BRSK1: variants seen among roughly 807,000 people sequenced by gnomAD.
BRSK1 encodes the protein BR serine/threonine kinase 1.
Under a neutral mutation model 86.2 loss-of-function variants are expected in BRSK1, and 17 were observed. That is an observed-to-expected ratio of 0.20 (90% CI 0.14 to 0.30). The LOEUF (loss-of-function observed/expected upper bound fraction) is 0.30. Ranked by LOEUF, BRSK1 falls within the 10% of genes least tolerant of loss-of-function variation. The pLI, the probability that BRSK1 is intolerant of heterozygous loss-of-function variation, is 1.00. For missense variants in BRSK1, 719 were observed against 1,071.9 expected (o/e 0.67, Z 4.60); for synonymous variants, 464 against 440.1 (o/e 1.05, Z -0.68).
chr19:55,301,958 C>G, intron 8 of BRSK1, 179 bp from the exon 9 acceptor site: 1 of 865,184 alleles, frequency 1.2e-6, no homozygotes, highest in Non-Finnish European at 1.9e-6. Flanking sequence ...ACGGAGACCG[C>G]GCGTGCGCGG....
rs1012246435 is a variant in BRSK1, at chr19:55,310,318, G to C, written c.2179+1590G>C. Among the ~76,000 whole-genome samples, 1 of 152,058 alleles carries C rather than the reference G, an allele frequency of 6.6e-6. No homozygotes were observed. Among genetic ancestry groups the C allele is most frequent in the African/African-American group, 2.4e-5 (1 of 41,378 alleles). Reference sequence around the variant, plus strand: ...TTCCTAGGCGCTCTGGTTAAGGCCCGTTCCTCCATCTTCAAAGCCAGTGAC... The same window carrying C: ...TTCCTAGGCGCTCTGGTTAAGGCCCCTTCCTCCATCTTCAAAGCCAGTGAC... On this transcript the variant is annotated intron_variant, in intron 18 of 18. Transcript: ENST00000309383. The surrounding 1 kb of genome is among the most constrained non-coding windows in gnomAD (Gnocchi z 5.0).
At chr19:55,305,697 G>C in intron 16 of BRSK1, 111 bp downstream of exon 16, 1 of 1,507,116 alleles carries the variant, frequency 6.6e-7, no homozygotes, top group South Asian at 1.2e-5. Flanking sequence ...GGGCTCATGG[G>C]ATTTGTAGTT....
chr19:55,297,707 C>T (rs1206803049), intron 7 of BRSK1, among the ~76,000 whole-genome samples: 1 of 152,262 alleles, frequency 6.6e-6, no homozygotes, highest in Non-Finnish European at 1.5e-5. Flanking sequence ...TCCCTGCTCC[C>T]TCTCCCTGAG....
chr19:55,285,416 C>T (rs867549333), intron 1 of BRSK1, among the ~76,000 whole-genome samples: 3 of 152,046 alleles, frequency 2.0e-5, no homozygotes, highest in Middle Eastern at 3.2e-3. Flanking sequence ...AGAGTGGGGC[C>T]GGGCTGGGAC....
At chr19:55,288,931 T>G (rs1187086404) in intron 3 of BRSK1, among the ~76,000 whole-genome samples, 1 of 152,194 alleles carries the variant, frequency 6.6e-6, no homozygotes, top group Non-Finnish European at 1.5e-5. Flanking sequence ...AGTTGTCGTC[T>G]ATTGCCTCAC....
rs576076760 is a variant in BRSK1 at position 55,301,777 on chromosome 19, A to T, written c.825+119A>T. ...CTCGTCAGTCCCCAGGGTGACTGGG[A>T]TCGCCAGCTGAGCCGCAGCCCAAGG... is the stretch of plus-strand genomic sequence containing the variant. On this transcript the variant is annotated intron_variant, in intron 8 of 18. Coordinates refer to ENST00000309383, the MANE Select transcript of BRSK1 (RefSeq NM_032430.2). The T allele has an allele frequency of 3.3e-4, 414 of 1,258,104 alleles. 1 individual carries two copies. The African/African-American group carries it at 5.8e-3, about 18-fold the overall frequency. The allele number at this position is 1,258,104 out of a possible 1,614,324, so 77.9% of individuals were successfully genotyped here. A position where few individuals can be genotyped will look rare whatever the true frequency, so the allele number is the denominator to read the frequency against.
rs1028538771 is a variant in BRSK1 at position 55,303,671 on chromosome 19, C to A, written c.1131C>A (p.Pro377=). The stretch of plus-strand genomic sequence containing the variant: ...GTTGAAACTGTTGTCCCTCAGACCC[C>A]CCCCGGAAGCGTGTGGATTCTCCCA... ...QDLPPRNDVD[P]PRKRVDSPML... Residue 377 remains proline, a synonymous_variant, in exon 12 of 19, where the codon CCC becomes CCA. Coordinates refer to ENST00000309383, the MANE Select transcript of BRSK1 (RefSeq NM_032430.2). This position sits in a 1 kb window ranked among gnomAD's most constrained non-coding sequence, Gnocchi z 5.1. The A allele has an allele frequency of 2.8e-5, 44 of 1,599,066 alleles. No individual in the cohort carries two copies. Among genetic ancestry groups the A allele is most frequent in the Non-Finnish European group, 3.5e-5 (41 of 1,172,232 alleles).
Position 55,311,962 on chromosome 19 carries a change from T to C in BRSK1, c.2231T>C (p.Leu744Pro). ...TRPAGAPPRS[L>P]QPPPGRPDPE... ...CCTGCTGGTGCCCCACCCCGAAGCCTGCAGCCCCCACCCGGCCGCCCAGAC... is the reference window on the plus strand; with the variant it reads ...CCTGCTGGTGCCCCACCCCGAAGCCCGCAGCCCCCACCCGGCCGCCCAGAC... Residue 744 changes from leucine (L) to proline (P), a missense_variant, in exon 19 of 19, where the codon CTG (leucine) becomes CCG (proline). Leu to Pro is a moderately conservative substitution (Grantham distance 98). Transcript: ENST00000309383. 1 of 1,572,340 alleles carries C rather than the reference T, an allele frequency of 6.4e-7. No homozygotes were observed. Among genetic ancestry groups the C allele is most frequent in the Non-Finnish European group, 8.7e-7 (1 of 1,155,288 alleles).
chr19:55,286,969 C>T (rs370625883), intron 1 of BRSK1, 38 bp from the exon 2 acceptor site: 134 of 1,603,816 alleles, frequency 8.4e-5, no homozygotes, highest in Non-Finnish European at 1.1e-4. Context: ...CGAAGGGGAC[C>T]CGGCGGAACA....
At position 55,302,063 on chromosome 19, in the gene BRSK1, C is replaced by A; in HGVS notation, c.826-74C>A. On this transcript the variant is annotated intron_variant, in intron 8 of 18. Coordinates refer to ENST00000309383, the MANE Select transcript of BRSK1 (RefSeq NM_032430.2). This position sits in a 1 kb window ranked among gnomAD's most constrained non-coding sequence, Gnocchi z 6.3. The stretch of plus-strand genomic sequence containing the variant: ...AGATGATCAGGGACCCCAAAACCAC[C>A]CCAGTCTTTCATTGCGCGCCTACAT... The A allele has an allele frequency of 6.4e-7, 1 of 1,565,056 alleles. No homozygotes were observed. Among genetic ancestry groups the A allele is most frequent in the Non-Finnish European group, 8.8e-7 (1 of 1,135,506 alleles).
At chr19:55,290,462 A>G (rs1294246861) in intron 4 of BRSK1, among the ~76,000 whole-genome samples, 2 of 152,190 alleles carry the variant, frequency 1.3e-5, no homozygotes, top group Admixed American at 6.6e-5. Flanking sequence ...AAAATTTAAC[A>G]AAGAAAAAAA....
chr19:55,292,905 G>A (rs1237628676), intron 4 of BRSK1, among the ~76,000 whole-genome samples: 1 of 151,982 alleles, frequency 6.6e-6, no homozygotes, highest in African/African-American at 2.4e-5. Flanking sequence ...CTACTCAAGA[G>A]GCTAAGGCCA....
chr19:55,290,301 G>C (rs566271812), intron 4 of BRSK1, among the ~76,000 whole-genome samples: 1 of 151,882 alleles, frequency 6.6e-6, no homozygotes, highest in Non-Finnish European at 1.5e-5. Flanking sequence ...CGGCCTCTTT[G>C]CCCATCTTTA....
chr19:55,312,147 C>A lies in BRSK1; in HGVS notation c.*79C>A. 6.2e-6 allele frequency: 4 copies of A among 646,502 alleles called. No homozygotes were observed. The highest frequency in any genetic ancestry group is 1.0e-5 in the Non-Finnish European group (4 of 391,632). The allele number at this position is 646,502 out of a possible 1,614,324, so 40.0% of individuals were successfully genotyped here. ...CCAACTGTGAATCTGTAAATAAGGC[C>A]CAAGGAACATGTCGGGAGGGGGGTG... On this transcript the variant is annotated 3_prime_UTR_variant, in exon 19 of 19. Transcript: ENST00000309383.
chr19:55,284,141 C>G lies in BRSK1; in HGVS notation c.-302C>G. 8.6e-7 allele frequency: 1 copy of G among 1,162,916 alleles called. No homozygotes were observed. The highest frequency in any genetic ancestry group is 1.1e-6 in the Non-Finnish European group (1 of 926,448). 72.0% of individuals were successfully genotyped at this position (1,162,916 alleles called of 1,614,324 possible). On this transcript the variant is annotated 5_prime_UTR_variant, in exon 1 of 19. Coordinates refer to ENST00000309383, the MANE Select transcript of BRSK1 (RefSeq NM_032430.2). ...CCGCCGGCCCGCACCTCAGACCCCC[C>G]CGGCGGGGGGAGGCGCAGGAAGCGG... is the stretch of plus-strand genomic sequence containing the variant.
Position 55,287,192 on chromosome 19 carries a change from C to T in BRSK1, c.232-22C>T, listed in dbSNP as rs371764150. ...GCCGTGCTGACCTCTTTTCCCGTGT[C>T]CCCACCCCTCTTGACCCTCAGGTGG... is the stretch of plus-strand genomic sequence containing the variant. On this transcript the variant is annotated intron_variant, in intron 2 of 18. Transcript: ENST00000309383. This position sits in a 1 kb window ranked among gnomAD's most constrained non-coding sequence, Gnocchi z 5.3. The T allele has an allele frequency of 1.9e-6, 3 of 1,613,722 alleles. No homozygotes were observed. The highest frequency in any genetic ancestry group is 2.7e-5 in the African/African-American group (2 of 74,890).
At position 55,304,124 on chromosome 19, in the gene BRSK1, C is replaced by T. The variant is rs1188013763; in HGVS notation, c.1347+14C>T. 1 of 1,609,812 alleles carries T rather than the reference C, an allele frequency of 6.2e-7. No homozygotes were observed. Among genetic ancestry groups the T allele is most frequent in the African/African-American group, 1.3e-5 (1 of 74,730 alleles). ...AGCAGCCCAAGGGTAAGGCCAGGTC[C>T]CCAGTGGGATTTAAGAAGGAGAAAG... On this transcript the variant is annotated intron_variant, in intron 13 of 18. Coordinates refer to ENST00000309383, the MANE Select transcript of BRSK1 (RefSeq NM_032430.2). The surrounding 1 kb of genome is among the most constrained non-coding windows in gnomAD (Gnocchi z 5.2).
intron 7 of BRSK1, among the ~76,000 whole-genome samples, chr19:55,299,418 C>T (rs1408704573): frequency 6.7e-6 from 1 of 148,586 alleles, no homozygotes; most frequent in African/African-American, 2.5e-5. Context: ...TGGAGACTTT[C>T]TCTGTCACCT....
Position 55,306,521 on chromosome 19 carries a change from G to C in BRSK1, c.2089+71G>C. ...TCACGACAGCTGAGACAGTGTAGGG[G>C]CCCAGGAGTGCAGCAGCAGGAGGAG... On this transcript the variant is annotated intron_variant, in intron 17 of 18. Coordinates refer to ENST00000309383, the MANE Select transcript of BRSK1 (RefSeq NM_032430.2). This position sits in a 1 kb window ranked among gnomAD's most constrained non-coding sequence, Gnocchi z 4.7. 6.5e-7 allele frequency: 1 copy of C among 1,541,826 alleles called. No homozygotes were observed. The highest frequency in any genetic ancestry group is 8.9e-7 in the Non-Finnish European group (1 of 1,129,042).
Sources: gnomAD v4.1 joint callset for allele counts (sites outside exome capture counted in the v4.1 genomes callset) on GRCh38, gnomAD v4.1.1 for gene constraint, Gnocchi (gnomAD v3.1) non-coding constraint, MANE v1.5 for transcripts, NCBI Gene and HGNC (gene_info 2026-07-23, HGNC 2026-07-21) for gene names.